The following MLXIP variants were observed in gnomAD, a reference collection of about 807,000 sequenced individuals.
The protein encoded by MLXIP is MLX-interacting protein.
Under a neutral mutation model 87.2 loss-of-function variants are expected in MLXIP, and 30 were observed. The observed-to-expected ratio is 0.34, with a 90% CI of 0.26 to 0.47. The LOEUF (loss-of-function observed/expected upper bound fraction) is 0.47, where lower values mean the gene tolerates loss of function less well. MLXIP is among the 20% of genes least tolerant of loss of function. The pLI is 1.00. For missense variants in MLXIP, 1,002 were observed against 1,240.1 expected (o/e 0.81, Z 2.88); for synonymous variants, 530 against 514.0 (o/e 1.03, Z -0.42).
At chr12:122,086,980 G>T (rs904822781) in intron 1 of MLXIP, among the ~76,000 whole-genome samples, 4 of 152,134 alleles carry the variant, frequency 2.6e-5, no homozygotes, top group Non-Finnish European at 4.4e-5. Flanking sequence ...TCTGCCCCTG[G>T]GAGCTTCTGG....
rs559874063 is a variant in MLXIP, at chr12:122,129,445, G to C, written c.697-143G>C. On this transcript the variant is annotated intron_variant, in intron 4 of 16. Transcript: ENST00000319080. Reference sequence around the variant, plus strand: ...AGTTTCCCCATCTGTGCACTGGGTGGAAGTCTCCTTTGTGCAGGCATCGGC... The same window carrying C: ...AGTTTCCCCATCTGTGCACTGGGTGCAAGTCTCCTTTGTGCAGGCATCGGC... 4 of 1,027,686 alleles carry C rather than the reference G, an allele frequency of 3.9e-6. No individual in the cohort carries two copies. The East Asian group carries it at 7.8e-5, about 20-fold the overall frequency. 63.7% of individuals were successfully genotyped at this position (1,027,686 alleles called of 1,614,324 possible).
intron 1 of MLXIP, among the ~76,000 whole-genome samples, chr12:122,094,934 GTGAT>G (rs1952326310): frequency 6.8e-6 from 1 of 147,544 alleles, no homozygotes; most frequent in African/African-American, 2.5e-5. Flanking sequence ...GTGTTGGTGT[GTGAT>G]TGTGTGGTGT....
At chr12:122,104,438 TC>T (rs1952488377) in intron 1 of MLXIP, among the ~76,000 whole-genome samples, 1 of 152,228 alleles carries the variant, frequency 6.6e-6, no homozygotes, top group Non-Finnish European at 1.5e-5. Flanking sequence ...TTAAGACTTA[TC>T]CATGTTGCTG....
intron 1 of MLXIP, among the ~76,000 whole-genome samples, chr12:122,121,633 C>T (rs1052362187): frequency 3.3e-5 from 5 of 152,082 alleles, no homozygotes; most frequent in Admixed American, 2.0e-4. Flanking sequence ...CCAGCCAGAC[C>T]GAACAGAATT....
In MLXIP at chr12:122,141,925, A is replaced by G. The variant is rs1953213461; in HGVS notation, c.*113A>G. ...CGCTCAGCCTCGGGGCCTCTCTCCA[A>G]CTCTGCCGGCCCACCGTGGCATCGG... On this transcript the variant is annotated 3_prime_UTR_variant, in exon 17 of 17. Transcript: ENST00000319080. 1.3e-6 allele frequency: 2 copies of G among 1,491,572 alleles called. No individual in the cohort carries two copies. Among genetic ancestry groups the G allele is most frequent in the Non-Finnish European group, 1.8e-6 (2 of 1,110,682 alleles). The allele number at this position is 1,491,572 out of a possible 1,614,324, so 92.4% of individuals were successfully genotyped here. A position where few individuals can be genotyped will look rare whatever the true frequency, so the allele number is the denominator to read the frequency against.
chr12:122,131,494 G>A (rs985955684), intron 7 of MLXIP, among the ~76,000 whole-genome samples: 11 of 131,254 alleles, frequency 8.4e-5, no homozygotes, highest in African/African-American at 3.2e-4. Context: ...CTGTCACCCA[G>A]GCTAGAGTGC....
chr12:122,114,275 T>C (rs906108849), intron 1 of MLXIP, among the ~76,000 whole-genome samples: 1 of 152,258 alleles, frequency 6.6e-6, no homozygotes, highest in Non-Finnish European at 1.5e-5. Context: ...CGTGAGCCAC[T>C]GCGCCTGGCT....
At chr12:122,100,124 G>A (rs565608813) in intron 1 of MLXIP, among the ~76,000 whole-genome samples, 15 of 152,036 alleles carry the variant, frequency 9.9e-5, no homozygotes, top group Admixed American at 3.9e-4. Context: ...AACAGAGCTG[G>A]GTGGTCAGGT....
Position 122,147,011 on chromosome 12 carries a change from C to G in MLXIP, c.*5199C>G, listed in dbSNP as rs1476834590. The G allele has an allele frequency of 6.6e-6, 1 of 152,270 alleles. No homozygotes were observed. Among genetic ancestry groups the G allele is most frequent in the Non-Finnish European group, 1.5e-5 (1 of 68,058 alleles). The allele number at this position is 152,270 out of a possible 1,614,324, so 9.4% of individuals were successfully genotyped here. On this transcript the variant is annotated 3_prime_UTR_variant, in exon 17 of 17. Coordinates refer to ENST00000319080, the MANE Select transcript of MLXIP (RefSeq NM_014938.6). ...ACAGCCCGGGAAAGGAAAACGGATT[C>G]ACTTGCTGATTTTGTTCACGGCGGA...
intron 2 of MLXIP, 78 bp from the exon 3 acceptor site, chr12:122,127,805 G>A (rs1240033213): frequency 8.7e-7 from 1 of 1,149,004 alleles, no homozygotes. Context: ...CTGCCCTAGG[G>A]GAGGGGTGCA....
At position 122,145,017 on chromosome 12, in the gene MLXIP, C is replaced by G. The variant is rs1404057396; in HGVS notation, c.*3205C>G. On this transcript the variant is annotated 3_prime_UTR_variant, in exon 17 of 17. Coordinates refer to ENST00000319080, the MANE Select transcript of MLXIP (RefSeq NM_014938.6). ...AGCCCCTGCACTGCACTGCTGCCTTCCATGGTGGGTGGGAGACCCCAGAGC... is the reference window on the plus strand; with the variant it reads ...AGCCCCTGCACTGCACTGCTGCCTTGCATGGTGGGTGGGAGACCCCAGAGC... 1 of 152,284 alleles carries G rather than the reference C, an allele frequency of 6.6e-6. No homozygotes were observed. Among genetic ancestry groups the G allele is most frequent in the Non-Finnish European group, 1.5e-5 (1 of 68,080 alleles). 9.4% of individuals were successfully genotyped at this position (152,284 alleles called of 1,614,324 possible). A position where few individuals can be genotyped will look rare whatever the true frequency, so the allele number is the denominator to read the frequency against.
chr12:122,094,478 TG>T (rs1276545017), intron 1 of MLXIP, among the ~76,000 whole-genome samples: 1 of 130,112 alleles, frequency 7.7e-6, no homozygotes, highest in Non-Finnish European at 1.6e-5. Flanking sequence ...TGTTGGTGTG[TG>T]GGTGTGTGTT....
Position 122,133,303 on chromosome 12 carries a change from G to A in MLXIP, c.1093-45G>A, listed in dbSNP as rs377252069. 1.3e-5 allele frequency: 20 copies of A among 1,519,232 alleles called. No homozygotes were observed. Among genetic ancestry groups the A allele is most frequent in the African/African-American group, 4.2e-5 (3 of 72,212 alleles). 94.1% of individuals were successfully genotyped at this position (1,519,232 alleles called of 1,614,324 possible). A position where few individuals can be genotyped will look rare whatever the true frequency, so the allele number is the denominator to read the frequency against. Reference sequence around the variant, plus strand: ...CAGTGTGCAGCGCTAGAAAGGAATTGTCTGACCCCAGCATTGCTTCCTGGC... The same window carrying A: ...CAGTGTGCAGCGCTAGAAAGGAATTATCTGACCCCAGCATTGCTTCCTGGC... On this transcript the variant is annotated intron_variant, in intron 8 of 16. Coordinates refer to ENST00000319080, the MANE Select transcript of MLXIP (RefSeq NM_014938.6). This position sits in a 1 kb window ranked among gnomAD's most constrained non-coding sequence, Gnocchi z 4.9.
At chr12:122,087,938 G>A (rs1408088631) in intron 1 of MLXIP, among the ~76,000 whole-genome samples, 1 of 152,246 alleles carries the variant, frequency 6.6e-6, no homozygotes, top group East Asian at 1.9e-4. Context: ...TTTGGCCTGA[G>A]CAGCTGGGGC....
At chr12:122,084,214 C>T (rs1434748459) in intron 1 of MLXIP, among the ~76,000 whole-genome samples, 3 of 148,770 alleles carry the variant, frequency 2.0e-5, no homozygotes, top group East Asian at 2.0e-4. Context: ...AGGAGCAGTG[C>T]GGATGGTTTT....
chr12:122,142,495 T>C lies in MLXIP; in HGVS notation c.*683T>C, dbSNP rs1953227955. 2.8e-6 allele frequency: 1 copy of C among 360,316 alleles called. No individual in the cohort carries two copies. Among genetic ancestry groups the C allele is most frequent in the South Asian group, 2.1e-5 (1 of 47,534 alleles). The allele number at this position is 360,316 out of a possible 1,614,324, so 22.3% of individuals were successfully genotyped here. On this transcript the variant is annotated 3_prime_UTR_variant, in exon 17 of 17. Coordinates refer to ENST00000319080, the MANE Select transcript of MLXIP (RefSeq NM_014938.6). ...TGTGATGCACGGTGGCTGCTCTGGC[T>C]GAGAGGCCCTGCTGGGCATGTTTCA...
chr12:122,146,698 A>G lies in MLXIP; in HGVS notation c.*4886A>G, dbSNP rs572848916. ...TTTTGTTTTGTGAAATTCCCCTCCAATCGTGTCAGAATTTACCTCCATGCC... is the reference window on the plus strand; with the variant it reads ...TTTTGTTTTGTGAAATTCCCCTCCAGTCGTGTCAGAATTTACCTCCATGCC... On this transcript the variant is annotated 3_prime_UTR_variant, in exon 17 of 17. Coordinates refer to ENST00000319080, the MANE Select transcript of MLXIP (RefSeq NM_014938.6). 1.8e-4 allele frequency: 27 copies of G among 152,048 alleles called. No homozygotes were observed. The highest frequency in any genetic ancestry group is 5.8e-4 in the African/African-American group (24 of 41,450). The allele number at this position is 152,048 out of a possible 1,614,324, so 9.4% of individuals were successfully genotyped here.
Position 122,144,418 on chromosome 12 carries a change from C to CAAAAAA in MLXIP, c.*2625_*2630dup, listed in dbSNP as rs201391883. The CAAAAAA allele has an allele frequency of 1.3e-5, 1 of 79,354 alleles. No homozygotes were observed. 4.9% of individuals were successfully genotyped at this position (79,354 alleles called of 1,614,324 possible). ...GCAACATAACAAGACCCTGTCTCTA[C>CAAAAAA]AAAAAAAAAAAAAAAAAAAAAAAAT... On this transcript the variant is annotated 3_prime_UTR_variant, in exon 17 of 17. Coordinates refer to ENST00000319080, the MANE Select transcript of MLXIP (RefSeq NM_014938.6).
chr12:122,138,969 G>A (rs770154001), intron 15 of MLXIP, 31 bp downstream of exon 15: 17 of 1,612,152 alleles, frequency 1.1e-5, no homozygotes, highest in African/African-American at 2.7e-5. Flanking sequence ...TGCTCTTCCC[G>A]GCCCTCAGCC....
Sources: allele counts gnomAD v4.1 joint callset (sites outside exome capture counted in the v4.1 genomes callset), GRCh38; gene constraint gnomAD v4.1.1; non-coding constraint Gnocchi (gnomAD v3.1); transcripts MANE v1.5; gene names NCBI Gene and HGNC (gene_info 2026-07-23, HGNC 2026-07-21).